The following RNF7 variants were observed in gnomAD, a reference collection of about 807,000 sequenced individuals.
RNF7 encodes RING-box protein 2.
A neutral mutation model predicts 17.0 loss-of-function variants in RNF7; 9 were observed. The observed-to-expected ratio is 0.53, with a 90% CI of 0.32 to 0.92. The LOEUF (loss-of-function observed/expected upper bound fraction) is 0.92, where lower values mean the gene tolerates loss of function less well. Ranked by LOEUF, RNF7 falls within the 40% of genes least tolerant of loss-of-function variation. RNF7 has a pLI of 0.04. For missense variants in RNF7, 87 were observed against 145.8 expected, an observed-to-expected ratio of 0.60 and a Z score of 2.08; for synonymous variants, 59 against 50.5, an observed-to-expected ratio of 1.17 and a Z score of -0.72.
At chr3:141,742,745 C>G (rs1026632777) in intron 1 of RNF7, 4 of 1,283,498 alleles carry the variant, frequency 3.1e-6, no homozygotes, top group South Asian at 2.5e-5. Context: ...CCTCGCTGTC[C>G]CCTCTGTCTC....
At chr3:141,744,727 C>T (rs931939565) in intron 2 of RNF7, among the ~76,000 whole-genome samples, 1 of 152,172 alleles carries the variant, frequency 6.6e-6, no homozygotes, top group African/African-American at 2.4e-5. Context: ...TTATAATAGC[C>T]TACTGCATAC....
intron 1 of RNF7, among the ~76,000 whole-genome samples, chr3:141,742,136 C>CCACCTT (rs2084424328): frequency 6.8e-6 from 1 of 148,130 alleles, no homozygotes; most frequent in Non-Finnish European, 1.5e-5. Flanking sequence ...CTGATCCTCT[C>CCACCTT]CACCTTCCAC....
chr3:141,738,390 T>G lies in RNF7; in HGVS notation c.49T>G (p.Ser17Ala). The G allele has an allele frequency of 1.2e-6, 2 of 1,601,530 alleles. No individual in the cohort carries two copies. Among genetic ancestry groups the G allele is most frequent in the Non-Finnish European group, 8.5e-7 (1 of 1,174,178 alleles). Residue 17 changes from serine to alanine, a missense_variant, in exon 1 of 3, where the codon TCC becomes GCC. Physicochemically the swap from Ser to Ala is moderately conservative, Grantham distance 99. Transcript: ENST00000273480. ...GEETCALASH[S>A]GSSGSKSGGD... ...GGAAACCTGCGCCCTGGCCTCTCAC[T>G]CCGGGAGCTCAGGCTCCAAGTCGGG... is the stretch of plus-strand genomic sequence containing the variant.
chr3:141,738,330 C>A lies in RNF7; in HGVS notation c.-12C>A. ...AAGCCAACGTCTCCGCCGTCGGCTC[C>A]GCGGCGCCGCCATGGCCGACGTGGA... On this transcript the variant is annotated 5_prime_UTR_variant, in exon 1 of 3. Coordinates refer to ENST00000273480, the MANE Select transcript of RNF7 (RefSeq NM_014245.5). 1 of 1,554,410 alleles carries A rather than the reference C, an allele frequency of 6.4e-7. No homozygotes were observed. The highest frequency in any genetic ancestry group is 8.7e-7 in the Non-Finnish European group (1 of 1,148,868).
chr3:141,738,513 A>T lies in RNF7; in HGVS notation c.172A>T (p.Met58Leu). The T allele has an allele frequency of 6.2e-7, 1 of 1,612,256 alleles. No individual in the cohort carries two copies. The highest frequency in any genetic ancestry group is 8.5e-7 in the Non-Finnish European group (1 of 1,178,966). ...DTCAICRVQV[M>L]DACLRCQAEN... Reference sequence around the variant, plus strand: ...GTGCGCCATCTGCAGGGTCCAGGTGATGGGTAAGCGCTGCACGCGAGTCCA... The same window carrying T: ...GTGCGCCATCTGCAGGGTCCAGGTGTTGGGTAAGCGCTGCACGCGAGTCCA... Residue 58 changes from methionine to leucine, a missense_variant, in exon 1 of 3, where the codon ATG (methionine) becomes TTG (leucine). Met to Leu is a conservative substitution (Grantham distance 15). This residue lies in a region of RNF7 where 36 missense variants were observed against 104.7 expected (regional missense o/e 0.34). Transcript: ENST00000273480.
At chr3:141,739,637 T>A (rs1193271592) in intron 1 of RNF7, among the ~76,000 whole-genome samples, 1 of 152,106 alleles carries the variant, frequency 6.6e-6, no homozygotes, top group East Asian at 1.9e-4. Flanking sequence ...TTAAGGGGGG[T>A]GAGACTGTAA....
chr3:141,743,264 A>G (rs148628802), intron 1 of RNF7, among the ~76,000 whole-genome samples: 1 of 152,154 alleles, frequency 6.6e-6, no homozygotes, highest in Non-Finnish European at 1.5e-5. Context: ...CACCGTCAGG[A>G]CATCTTTTCA....
At position 141,745,315 on chromosome 3, in the gene RNF7, C is replaced by A; in HGVS notation, c.*38C>A. 1 of 1,372,216 alleles carries A rather than the reference C, an allele frequency of 7.3e-7. No individual in the cohort carries two copies. The highest frequency in any genetic ancestry group is 1.0e-6 in the Non-Finnish European group (1 of 964,386). 85.0% of individuals were successfully genotyped at this position (1,372,216 alleles called of 1,614,324 possible). A position where few individuals can be genotyped will look rare whatever the true frequency, so the allele number is the denominator to read the frequency against. On this transcript the variant is annotated 3_prime_UTR_variant, in exon 3 of 3. Coordinates refer to ENST00000273480, the MANE Select transcript of RNF7 (RefSeq NM_014245.5). ...GGCTTCTTAGCGCAGTTGTTCAGAGCCCTGGTGGATCTTGTAATCCAGTGC... is the reference window on the plus strand; with the variant it reads ...GGCTTCTTAGCGCAGTTGTTCAGAGACCTGGTGGATCTTGTAATCCAGTGC...
chr3:141,744,885 A>G (rs959606361), intron 2 of RNF7, among the ~76,000 whole-genome samples: 3 of 152,208 alleles, frequency 2.0e-5, no homozygotes, highest in Non-Finnish European at 2.9e-5. Flanking sequence ...TCTAACTTCA[A>G]GAAGACAGCA....
In RNF7 at chr3:141,746,447, T is replaced by C. The variant is rs2084474190; in HGVS notation, c.*1170T>C. On this transcript the variant is annotated 3_prime_UTR_variant, in exon 3 of 3. Transcript: ENST00000273480. ...TTATATGCAACCTTAATTTGTCAAG[T>C]AAATACTTTCATTTAATTTGAAAGA... The C allele has an allele frequency of 6.6e-6, 1 of 152,230 alleles. No homozygotes were observed. Among genetic ancestry groups the C allele is most frequent in the Admixed American group, 6.5e-5 (1 of 15,290 alleles). 9.4% of individuals were successfully genotyped at this position (152,230 alleles called of 1,614,324 possible). A position where few individuals can be genotyped will look rare whatever the true frequency, so the allele number is the denominator to read the frequency against.
At chr3:141,739,977 T>G (rs1465255484) in intron 1 of RNF7, among the ~76,000 whole-genome samples, 2 of 152,152 alleles carry the variant, frequency 1.3e-5, no homozygotes, top group African/African-American at 4.8e-5. Flanking sequence ...TGAGCCTTGT[T>G]CCTGCCACTG....
rs1371685982 is a variant in RNF7 at position 141,747,304 on chromosome 3, A to G, written c.*2027A>G. The G allele has an allele frequency of 6.6e-6, 1 of 152,266 alleles. No individual in the cohort carries two copies. The highest frequency in any genetic ancestry group is 1.5e-5 in the Non-Finnish European group (1 of 68,048). The allele number at this position is 152,266 out of a possible 1,614,324, so 9.4% of individuals were successfully genotyped here. A position where few individuals can be genotyped will look rare whatever the true frequency, so the allele number is the denominator to read the frequency against. The stretch of plus-strand genomic sequence containing the variant: ...CATGCCGGGACAATTTTGGGTTCCA[A>G]TACAAAAGTTAAGCATCAAACAGGT... On this transcript the variant is annotated 3_prime_UTR_variant, in exon 3 of 3. Coordinates refer to ENST00000273480, the MANE Select transcript of RNF7 (RefSeq NM_014245.5).
rs757831209 is a variant in RNF7, at chr3:141,738,328, T to C, written c.-14T>C. 3 of 1,467,328 alleles carry C rather than the reference T, an allele frequency of 2.0e-6. No individual in the cohort carries two copies. Among genetic ancestry groups the C allele is most frequent in the Non-Finnish European group, 2.7e-6 (3 of 1,096,060 alleles). The allele number at this position is 1,467,328 out of a possible 1,614,324, so 90.9% of individuals were successfully genotyped here. ...CCAAGCCAACGTCTCCGCCGTCGGC[T>C]CCGCGGCGCCGCCATGGCCGACGTG... On this transcript the variant is annotated 5_prime_UTR_variant, in exon 1 of 3. Transcript: ENST00000273480.
At position 141,747,043 on chromosome 3, in the gene RNF7, C is replaced by T. The variant is rs2084481776; in HGVS notation, c.*1766C>T. ...AGGAAAGCAGTAGAATGTCAGGTTACTTTAGGCAGTGTGACAGTATATAAA... is the reference window on the plus strand; with the variant it reads ...AGGAAAGCAGTAGAATGTCAGGTTATTTTAGGCAGTGTGACAGTATATAAA... On this transcript the variant is annotated 3_prime_UTR_variant, in exon 3 of 3. Coordinates refer to ENST00000273480, the MANE Select transcript of RNF7 (RefSeq NM_014245.5). The T allele has an allele frequency of 6.6e-6, 1 of 152,198 alleles. No individual in the cohort carries two copies. Among genetic ancestry groups the T allele is most frequent in the African/African-American group, 2.4e-5 (1 of 41,420 alleles). The allele number at this position is 152,198 out of a possible 1,614,324, so 9.4% of individuals were successfully genotyped here.
At chr3:141,742,808 A>G in intron 1 of RNF7, 2 of 1,207,642 alleles carry the variant, frequency 1.7e-6, no homozygotes, top group Non-Finnish European at 2.1e-6. Context: ...ACCTATTGGA[A>G]GCATACAAAG....
At chr3:141,744,295 C>T (rs151176372) in intron 2 of RNF7, among the ~76,000 whole-genome samples, 156 of 152,278 alleles carry the variant, frequency 1.0e-3, no homozygotes, top group African/African-American at 3.7e-3. Flanking sequence ...ACCCTTGCTT[C>T]CTACCCCCTG....
At chr3:141,740,732 G>A (rs1291275432) in intron 1 of RNF7, among the ~76,000 whole-genome samples, 1 of 152,184 alleles carries the variant, frequency 6.6e-6, no homozygotes, top group Non-Finnish European at 1.5e-5. Context: ...GATCATTAAA[G>A]CAATTTTTTA....
rs775328977 is a variant in RNF7 at position 141,745,415 on chromosome 3, C to T, written c.*138C>T. 11 of 512,066 alleles carry T rather than the reference C, an allele frequency of 2.1e-5. No homozygotes were observed. The highest frequency in any genetic ancestry group is 1.1e-4 in the Admixed American group (3 of 28,116). The allele number at this position is 512,066 out of a possible 1,614,324, so 31.7% of individuals were successfully genotyped here. A position where few individuals can be genotyped will look rare whatever the true frequency, so the allele number is the denominator to read the frequency against. On this transcript the variant is annotated 3_prime_UTR_variant, in exon 3 of 3. Transcript: ENST00000273480. ...GATGGATCTGTGGTCCTTTGGGACT[C>T]ATCAAAGCCTTGGTTTAGCATTTTG...
intron 1 of RNF7, among the ~76,000 whole-genome samples, chr3:141,739,990 A>C (rs907799047): frequency 6.6e-6 from 1 of 152,116 alleles, no homozygotes; most frequent in Non-Finnish European, 1.5e-5. Context: ...TGCCACTGCC[A>C]CTGCCACTAT....
Sources: gnomAD v4.1 joint callset for allele counts (sites outside exome capture counted in the v4.1 genomes callset) on GRCh38, gnomAD v4.1.1 for gene constraint, gnomAD v4.1.1 regional missense constraint, MANE v1.5 for transcripts, NCBI Gene and HGNC (gene_info 2026-07-23, HGNC 2026-07-21) for gene names.